MGAT4C: variants seen among roughly 807,000 people sequenced by gnomAD.
MGAT4C encodes alpha-1,3-mannosyl-glycoprotein 4-beta-N-acetylglucosaminyltransferase C.
Under a neutral mutation model 40.1 loss-of-function variants are expected in MGAT4C, and 19 were observed. The observed-to-expected ratio is 0.47, with a 90% confidence interval of 0.33 to 0.70. The LOEUF (loss-of-function observed/expected upper bound fraction) is 0.70. Ranked by LOEUF, MGAT4C falls within the 30% of genes least tolerant of loss-of-function variation. The probability of loss-of-function intolerance (pLI) is 0.02; values close to 1 mark genes in which losing one functional copy is unlikely to be tolerated. For missense variants in MGAT4C, 491 were observed against 563.2 expected (o/e 0.87, Z 1.30); for synonymous variants, 181 against 187.1 (o/e 0.97, Z 0.27).
intron 1 of MGAT4C, among the ~76,000 whole-genome samples, chr12:86,096,876 C>A (rs574708666): frequency 1.3e-5 from 2 of 151,596 alleles, no homozygotes; most frequent in Non-Finnish European, 3.0e-5. Context: ...TCAGTACCTG[C>A]AATCATCTGT....
intron 3 of MGAT4C, among the ~76,000 whole-genome samples, chr12:86,423,053 G>C (rs1478691121): frequency 6.6e-6 from 1 of 152,094 alleles, no homozygotes; most frequent in Non-Finnish European, 1.5e-5. Context: ...AGACACAAAA[G>C]AGATGCAAGT....
In MGAT4C at chr12:86,386,833, CTCT is replaced by C. The variant is rs554771724; in HGVS notation, c.-120+48321_-120+48323del. On this transcript the variant is annotated intron_variant, in intron 3 of 7. Coordinates refer to the MGAT4C transcript ENST00000548651. ...TATACAATATCTTGATAGAAATTGTCTCTTCTTCTATTTGACTTGTTAACTACA... is the reference window on the plus strand; with the variant it reads ...TATACAATATCTTGATAGAAATTGTCTCTTCTATTTGACTTGTTAACTACA... 3.8e-3 allele frequency among the ~76,000 whole-genome samples: 577 copies of C among 152,150 alleles called. 1 individual carries two copies. Among genetic ancestry groups the C allele is most frequent in the African/African-American group, 0.013 (558 of 41,516 alleles).
At chr12:86,208,232 G>A (rs1157352409) in intron 1 of MGAT4C, among the ~76,000 whole-genome samples, 6 of 152,180 alleles carry the variant, frequency 3.9e-5, no homozygotes, top group South Asian at 2.1e-4. Context: ...TTGGGAGGCC[G>A]AGGCGGGCAG....
chr12:86,507,896 T>C (rs544279359), intron 2 of MGAT4C, among the ~76,000 whole-genome samples: 177 of 152,262 alleles, frequency 1.2e-3, no homozygotes, highest in African/African-American at 4.2e-3. Context: ...TTAGGGTTCT[T>C]TGTGGTTCCA....
At chr12:86,417,628 T>C (rs1956743438) in intron 3 of MGAT4C, among the ~76,000 whole-genome samples, 1 of 152,138 alleles carries the variant, frequency 6.6e-6, no homozygotes, top group Non-Finnish European at 1.5e-5. Flanking sequence ...TTGACATAAA[T>C]GGTTGGCTTA....
chr12:86,503,676 GAGTTCTGCTCATATATATA>G (rs1958411023), intron 2 of MGAT4C, among the ~76,000 whole-genome samples: 1 of 32,290 alleles, frequency 3.1e-5, no homozygotes. Flanking sequence ...ATATATATAT[GAGTTCTGCTCATATATATA>G]TATATGAGTT....
At chr12:86,699,099 C>A (rs1440966192) in intron 2 of MGAT4C, among the ~76,000 whole-genome samples, 1 of 152,020 alleles carries the variant, frequency 6.6e-6, no homozygotes. Context: ...AATAGGAATT[C>A]TATGTCTTCT....
intron 2 of MGAT4C, among the ~76,000 whole-genome samples, chr12:86,010,894 T>C (rs1197836457): frequency 6.6e-6 from 1 of 152,186 alleles, no homozygotes; most frequent in Non-Finnish European, 1.5e-5. Context: ...GGGTCTGTTA[T>C]AAAAGTTAGC....
chr12:86,754,969 A>T (rs1441814549), intron 1 of MGAT4C, among the ~76,000 whole-genome samples: 3 of 152,258 alleles, frequency 2.0e-5, no homozygotes, highest in African/African-American at 7.2e-5. Context: ...TTTCTTCACA[A>T]CACAATGATG....
chr12:85,960,243 C>G lies in MGAT4C; in HGVS notation c.*19046G>C, dbSNP rs1457097626. ...TTCATCAAACGTCTTTGTCTTATCC[C>G]CTTGTTATACAGACAAAGATGACAA... On this transcript the variant is annotated 3_prime_UTR_variant, in exon 5 of 5. Transcript: ENST00000611864. The G allele has an allele frequency of 1.3e-5, 2 of 151,956 alleles. No homozygotes were observed. The highest frequency in any genetic ancestry group is 1.3e-4 in the Admixed American group (2 of 15,242). 9.4% of individuals were successfully genotyped at this position (151,956 alleles called of 1,614,324 possible).
intron 1 of MGAT4C, among the ~76,000 whole-genome samples, chr12:86,832,592 C>A (rs961364714): frequency 6.6e-6 from 1 of 151,800 alleles, no homozygotes; most frequent in African/African-American, 2.4e-5. Context: ...TATCTCTCCT[C>A]TTTTTCACTT....
intron 1 of MGAT4C, among the ~76,000 whole-genome samples, chr12:86,204,119 C>T (rs916554917): frequency 6.6e-6 from 1 of 151,492 alleles, no homozygotes; most frequent in Non-Finnish European, 1.5e-5. Context: ...TTACAAGAAA[C>T]AGAGTCAGAT....
chr12:86,424,958 G>C lies in MGAT4C; in HGVS notation c.-120+10199C>G, dbSNP rs564255369. 3.3e-4 allele frequency among the ~76,000 whole-genome samples: 50 copies of C among 152,064 alleles called. No homozygotes were observed. The Middle Eastern group carries it at 0.01, about 31-fold the overall frequency. On this transcript the variant is annotated intron_variant, in intron 3 of 7. Transcript: ENST00000548651. The stretch of plus-strand genomic sequence containing the variant: ...TTTTTAGTAGAGACGGGGTTTCACC[G>C]TGTTAGCCAGGATGGTCTTGATCTT...
chr12:86,171,304 G>T (rs1227795375), intron 1 of MGAT4C, among the ~76,000 whole-genome samples: 1 of 152,176 alleles, frequency 6.6e-6, no homozygotes, highest in Non-Finnish European at 1.5e-5. Context: ...AGGAGGCAGA[G>T]GTTGCGGTGA....
chr12:86,615,049 AGT>A (rs1962406386), intron 2 of MGAT4C, among the ~76,000 whole-genome samples: 1 of 152,056 alleles, frequency 6.6e-6, no homozygotes, highest in Non-Finnish European at 1.5e-5. Context: ...AACAATTGGC[AGT>A]ATTACTGAAA....
At chr12:86,639,690 A>G (rs994784978) in intron 2 of MGAT4C, among the ~76,000 whole-genome samples, 3 of 151,756 alleles carry the variant, frequency 2.0e-5, no homozygotes, top group Non-Finnish European at 3.0e-5. Flanking sequence ...CTCATAATGT[A>G]TCTTATGTGT....
At chr12:86,451,066 T>C (rs1385622074) in intron 2 of MGAT4C, among the ~76,000 whole-genome samples, 1 of 152,088 alleles carries the variant, frequency 6.6e-6, no homozygotes, top group East Asian at 1.9e-4. Context: ...ACAAATCTCA[T>C]ATAGAAATGT....
At chr12:86,617,362 A>C (rs1962484576) in intron 2 of MGAT4C, among the ~76,000 whole-genome samples, 1 of 152,240 alleles carries the variant, frequency 6.6e-6, no homozygotes, top group East Asian at 1.9e-4. Flanking sequence ...AGATTCAACC[A>C]ACTCCAAATT....
chr12:86,186,765 C>A (rs1342608043), intron 1 of MGAT4C, among the ~76,000 whole-genome samples: 1 of 152,078 alleles, frequency 6.6e-6, no homozygotes, highest in Non-Finnish European at 1.5e-5. Flanking sequence ...TGAGTAGAGT[C>A]TGCAATAGGC....
Sources: allele counts gnomAD v4.1 joint callset (sites outside exome capture counted in the v4.1 genomes callset), GRCh38; gene constraint gnomAD v4.1.1; transcripts MANE v1.5; gene names NCBI Gene and HGNC (gene_info 2026-07-23, HGNC 2026-07-21).